Variants in MAP3K6 observed in about 807,000 individuals in gnomAD.
MAP3K6 encodes mitogen-activated protein kinase kinase kinase 6.
In MAP3K6, 105 loss-of-function variants were observed where a neutral mutation model predicts 147.1. That is an observed-to-expected ratio of 0.71 (90% CI 0.61 to 0.84). The LOEUF (loss-of-function observed/expected upper bound fraction) is 0.84. Among genes scored for constraint, MAP3K6 ranks in the 40% least tolerant of loss-of-function variants. The pLI is 0.00. For missense variants in MAP3K6, 1,569 were observed against 1,715.0 expected (o/e 0.91, Z 1.50); for synonymous variants, 695 against 732.4 (o/e 0.95, Z 0.82).
At position 27,366,683 on chromosome 1, in the gene MAP3K6, T is replaced by C; in HGVS notation, c.-86A>G. ...GGCCGGCAGATCAGGAATCTTGGGA[T>C]CTGGAATCCGTTCGGAATCGGAGAA... On this transcript the variant is annotated 5_prime_UTR_variant, in exon 1 of 29. Coordinates refer to ENST00000357582, the MANE Select transcript of MAP3K6 (RefSeq NM_004672.5). This position sits in a 1 kb window ranked among gnomAD's most constrained non-coding sequence, Gnocchi z 5.5. The C allele has an allele frequency of 1.0e-6, 1 of 977,720 alleles. No homozygotes were observed. The highest frequency in any genetic ancestry group is 1.2e-6 in the Non-Finnish European group (1 of 818,088). The allele number at this position is 977,720 out of a possible 1,614,324, so 60.6% of individuals were successfully genotyped here. A position where few individuals can be genotyped will look rare whatever the true frequency, so the allele number is the denominator to read the frequency against.
Position 27,364,362 on chromosome 1 carries a change from A to C in MAP3K6, c.537T>G (p.Tyr179Ter). ...DCVGSYTLIP[Y>*]VVTATGRVLC... ...GCACCCGACCAGTGGCCGTCACCAC[A>C]TAGGGGATCAGTGTGTAGCTGCCAA... Residue 179 changes from tyrosine to a stop codon, truncating the protein, a stop_gained, in exon 4 of 29, where the codon TAT (tyrosine) becomes TAG (stop). Transcript: ENST00000357582. LOFTEE classifies it high-confidence loss of function. The surrounding 1 kb of genome is among the most constrained non-coding windows in gnomAD (Gnocchi z 4.4). 1 of 1,614,144 alleles carries C rather than the reference A, an allele frequency of 6.2e-7. No individual in the cohort carries two copies. The highest frequency in any genetic ancestry group is 8.5e-7 in the Non-Finnish European group (1 of 1,180,030).
In MAP3K6 at chr1:27,359,650, C is replaced by G; in HGVS notation, c.2320-128G>C. ...TCTGTCAACACTCTCCCCTTGCCAT[C>G]CCACTTATATGCCCCTCTGGGAGCT... On this transcript the variant is annotated intron_variant, in intron 17 of 28. Coordinates refer to ENST00000357582, the MANE Select transcript of MAP3K6 (RefSeq NM_004672.5). This position sits in a 1 kb window ranked among gnomAD's most constrained non-coding sequence, Gnocchi z 4.4. The G allele has an allele frequency of 6.9e-7, 1 of 1,444,316 alleles. No individual in the cohort carries two copies. The highest frequency in any genetic ancestry group is 9.4e-7 in the Non-Finnish European group (1 of 1,059,232). The allele number at this position is 1,444,316 out of a possible 1,614,324, so 89.5% of individuals were successfully genotyped here. A position where few individuals can be genotyped will look rare whatever the true frequency, so the allele number is the denominator to read the frequency against.
Position 27,362,630 on chromosome 1 carries a change from T to A in MAP3K6, c.1255+11A>T, listed in dbSNP as rs1377282681. ...GTGGGTGACGAGACAAGAGCCAGGA[T>A]CTGTGCTCACCTATTAGCCGGAGCT... On this transcript the variant is annotated intron_variant, in intron 8 of 28. Transcript: ENST00000357582. The A allele has an allele frequency of 1.3e-6, 2 of 1,558,076 alleles. No individual in the cohort carries two copies. Among genetic ancestry groups the A allele is most frequent in the South Asian group, 2.3e-5 (2 of 85,526 alleles).
Position 27,356,403 on chromosome 1 carries a change from C to T in MAP3K6, c.3622G>A (p.Ala1208Thr). ...LNEEARTYVL[A>T]PEPPTALSTD... is the part of the protein sequence containing the mutation. ...GCCCACTCACTTGGAGGCTCTGGGG[C>T]CAGGACATAGGTCCGGGCTTCCTCA... The change falls in exon 26 of 29, where the codon GCC becomes ACC. Residue 1208 changes from alanine to threonine, a missense_variant. Coordinates refer to ENST00000357582, the MANE Select transcript of MAP3K6 (RefSeq NM_004672.5). 6.2e-7 allele frequency: 1 copy of T among 1,610,110 alleles called. No homozygotes were observed. Among genetic ancestry groups the T allele is most frequent in the Non-Finnish European group, 8.5e-7 (1 of 1,178,298 alleles).
Position 27,357,760 on chromosome 1 carries a change from T to A in MAP3K6, c.3032A>T (p.Glu1011Val), listed in dbSNP as rs746494196. The change falls in exon 22 of 29, where the codon GAG becomes GTG. Residue 1011 changes from glutamate to valine, a missense_variant. Physicochemically the swap from Glu to Val is moderately radical, Grantham distance 121. Transcript: ENST00000357582. ...CAGATTCTCCGCCAGCGCTGGCAGCTCCTGCTCCAATACTGCGGCCAGCAT... is the reference window on the plus strand; with the variant it reads ...CAGATTCTCCGCCAGCGCTGGCAGCACCTGCTCCAATACTGCGGCCAGCAT... The part of the protein sequence containing the change: ...RAMLAAVLEQ[E>V]LPALAENLHQ... 4.6e-5 allele frequency: 74 copies of A among 1,611,528 alleles called. No homozygotes were observed. The highest frequency in any genetic ancestry group is 6.2e-5 in the Non-Finnish European group (73 of 1,179,712).
chr1:27,361,905 C>G, intron 9 of MAP3K6, 38 bp from the exon 10 acceptor site: 1 of 1,505,872 alleles, frequency 6.6e-7, no homozygotes, highest in Non-Finnish European at 8.9e-7. Flanking sequence ...AGCCCAGGCA[C>G]CAACCAGCAC....
rs1162240798 is a variant in MAP3K6, at chr1:27,360,110, C to T, written c.2183-116G>A. On this transcript the variant is annotated intron_variant, in intron 16 of 28. Coordinates refer to ENST00000357582, the MANE Select transcript of MAP3K6 (RefSeq NM_004672.5). This position sits in a 1 kb window ranked among gnomAD's most constrained non-coding sequence, Gnocchi z 4.5. The stretch of plus-strand genomic sequence containing the variant: ...CCCAACTCCATCACCCAGCGCCACT[C>T]CTCAGCTAATTCTAGGCTACACCAC... The T allele has an allele frequency of 1.9e-6, 3 of 1,577,208 alleles. No homozygotes were observed. Among genetic ancestry groups the T allele is most frequent in the Non-Finnish European group, 2.6e-6 (3 of 1,156,688 alleles).
rs748910143 is a variant in MAP3K6 at position 27,358,748 on chromosome 1, G to C, written c.2544C>G (p.Pro848=). The C allele has an allele frequency of 6.8e-6, 11 of 1,613,650 alleles. No homozygotes were observed. In the East Asian group the frequency reaches 2.0e-4, roughly 29 times the overall value. Reference sequence around the variant, plus strand: ...CCTGTGGGCTCCCGAGCTCGTGGAAGGGGGGGCGACCTGTGGCCATCTCAA... The same window carrying C: ...CCTGTGGGCTCCCGAGCTCGTGGAACGGGGGGCGACCTGTGGCCATCTCAA... ...TVIEMATGRP[P]FHELGSPQAA... is the part of the protein sequence containing the mutation. Residue 848 remains proline, a synonymous_variant, in exon 19 of 29, where the codon CCC becomes CCG. Transcript: ENST00000357582. The surrounding 1 kb of genome is among the most constrained non-coding windows in gnomAD (Gnocchi z 6.2).
chr1:27,361,538 C>G lies in MAP3K6; in HGVS notation c.1668G>C (p.Leu556=), dbSNP rs766578632. 6.2e-7 allele frequency: 1 copy of G among 1,614,086 alleles called. No homozygotes were observed. Among genetic ancestry groups the G allele is most frequent in the African/African-American group, 1.3e-5 (1 of 74,926 alleles). Residue 556 remains leucine, a synonymous_variant, in exon 11 of 29, where the codon CTG becomes CTC. Coordinates refer to ENST00000357582, the MANE Select transcript of MAP3K6 (RefSeq NM_004672.5). The part of the protein sequence containing the change: ...TDPVSTVTLS[L]LEPETQDIPS... Reference sequence around the variant, plus strand: ...ACTTCACCTGGGTCTCAGGCTCCAGCAGGCTCAGGGTCACTGTGCTTACTG... The same window carrying G: ...ACTTCACCTGGGTCTCAGGCTCCAGGAGGCTCAGGGTCACTGTGCTTACTG...
rs1199425430 is a variant in MAP3K6 at position 27,359,142 on chromosome 1, G to A, written c.2425+275C>T. On this transcript the variant is annotated intron_variant, in intron 18 of 28. Coordinates refer to ENST00000357582, the MANE Select transcript of MAP3K6 (RefSeq NM_004672.5). The surrounding 1 kb of genome is among the most constrained non-coding windows in gnomAD (Gnocchi z 4.4). Reference sequence around the variant, plus strand: ...AGTGCTCCAGCACACATCCTGGATTGCCTCGTCCCCCTGAACTCCATCACC... The same window carrying A: ...AGTGCTCCAGCACACATCCTGGATTACCTCGTCCCCCTGAACTCCATCACC... 2.0e-5 allele frequency among the ~76,000 whole-genome samples: 3 copies of A among 152,040 alleles called. No homozygotes were observed. Among genetic ancestry groups the A allele is most frequent in the African/African-American group, 4.8e-5 (2 of 41,390 alleles).
chr1:27,357,627 C>G (rs1410312985), intron 22 of MAP3K6, 51 bp from the exon 23 acceptor site: 1 of 1,589,836 alleles, frequency 6.3e-7, no homozygotes, highest in Non-Finnish European at 8.6e-7. Flanking sequence ...AAAAGAGACG[C>G]TGCCGCGGAG....
At chr1:27,365,775 T>A (rs1168344527) in intron 1 of MAP3K6, among the ~76,000 whole-genome samples, 1 of 152,094 alleles carries the variant, frequency 6.6e-6, no homozygotes, top group Non-Finnish European at 1.5e-5. Context: ...TTGGAAATAG[T>A]ATGCTAGGAC....
In MAP3K6 at chr1:27,359,727, C is replaced by A. The variant is rs547260332; in HGVS notation, c.2319+131G>T. 2.1e-6 allele frequency: 3 copies of A among 1,427,344 alleles called. No homozygotes were observed. Among genetic ancestry groups the A allele is most frequent in the African/African-American group, 2.8e-5 (2 of 70,336 alleles). The allele number at this position is 1,427,344 out of a possible 1,614,324, so 88.4% of individuals were successfully genotyped here. ...ACCTTTCCCCTCCTTCTCTAAGGAG[C>A]CTCCCTGATGAATTCCCTACCCTTT... On this transcript the variant is annotated intron_variant, in intron 17 of 28. Transcript: ENST00000357582. The surrounding 1 kb of genome is among the most constrained non-coding windows in gnomAD (Gnocchi z 4.4).
rs776342468 is a variant in MAP3K6, at chr1:27,359,472, G to T, written c.2370C>A (p.Asp790Glu). The T allele has an allele frequency of 7.4e-6, 12 of 1,614,146 alleles. No homozygotes were observed. The highest frequency in any genetic ancestry group is 1.0e-5 in the Non-Finnish European group (12 of 1,180,024). ...NTFSGLLKIS[D>E]FGTSKRLAGI... is the part of the protein sequence containing the mutation. ...CTGCCAGCCGCTTGGAGGTGCCGAAGTCAGAAATCTTGAGCAGCCCACTGA... is the reference window on the plus strand; with the variant it reads ...CTGCCAGCCGCTTGGAGGTGCCGAATTCAGAAATCTTGAGCAGCCCACTGA... The change falls in exon 18 of 29, where the codon GAC (aspartate) becomes GAA (glutamate). Residue 790 changes from aspartate (D) to glutamate (E), a missense_variant. By Grantham distance (45) the Asp-to-Glu change is conservative. Coordinates refer to ENST00000357582, the MANE Select transcript of MAP3K6 (RefSeq NM_004672.5). The surrounding 1 kb of genome is among the most constrained non-coding windows in gnomAD (Gnocchi z 4.4).
chr1:27,361,470 C>A (rs771828558), intron 11 of MAP3K6, 50 bp downstream of exon 11: 2 of 1,612,128 alleles, frequency 1.2e-6, no homozygotes, highest in Non-Finnish European at 8.5e-7. Context: ...AAAGGCTCCA[C>A]AGAAAAGGTC....
At chr1:27,356,928 C>CA (rs2015549079) in intron 24 of MAP3K6, 81 bp downstream of exon 24, 1 of 1,489,090 alleles carries the variant, frequency 6.7e-7, no homozygotes. Flanking sequence ...GCCTGGCCCC[C>CA]ACCGGCCCCA....
rs192258228 is a variant in MAP3K6 at position 27,364,244 on chromosome 1, G to A, written c.655C>T (p.Arg219Trp). 44 of 1,613,178 alleles carry A rather than the reference G, an allele frequency of 2.7e-5. No individual in the cohort carries two copies. In the South Asian group the frequency reaches 3.0e-4, roughly 11 times the overall value. The change falls in exon 4 of 29, where the codon CGG becomes TGG. Residue 219 changes from arginine to tryptophan, a missense_variant. Arg to Trp is a moderately radical substitution (Grantham distance 101, BLOSUM62 -3). Transcript: ENST00000357582. This position sits in a 1 kb window ranked among gnomAD's most constrained non-coding sequence, Gnocchi z 4.4. ...GTGGCCTCCAGCAGGCGGGCAAGCC[G>A]GCCCACCAGGGGAGTGAGCAGGGCC... Reference protein sequence around the residue: ...TEALLTPLVGRLARLLEATPT... With the variant: ...TEALLTPLVGWLARLLEATPT...
intron 22 of MAP3K6, 32 bp from the exon 23 acceptor site, chr1:27,357,608 G>A (rs761901798): frequency 1.9e-6 from 3 of 1,596,256 alleles, no homozygotes; most frequent in Admixed American, 3.4e-5. Context: ...GTCAGCGAGT[G>A]CTCCAGCCAA....
In MAP3K6 at chr1:27,355,275, C is replaced by T. The variant is rs755869478; in HGVS notation, c.*116G>A. The T allele has an allele frequency of 1.8e-5, 17 of 965,774 alleles. No homozygotes were observed. The highest frequency in any genetic ancestry group is 3.4e-5 in the Admixed American group (2 of 58,278). The allele number at this position is 965,774 out of a possible 1,614,324, so 59.8% of individuals were successfully genotyped here. A position where few individuals can be genotyped will look rare whatever the true frequency, so the allele number is the denominator to read the frequency against. ...ACTGGAACCAGTCCTGGGCCCCACT[C>T]GCCTGGCTTCCTCCAGTCGCCCCAG... is the stretch of plus-strand genomic sequence containing the variant. On this transcript the variant is annotated 3_prime_UTR_variant, in exon 29 of 29. Coordinates refer to ENST00000357582, the MANE Select transcript of MAP3K6 (RefSeq NM_004672.5).
Sources: gnomAD v4.1 joint callset for allele counts (sites outside exome capture counted in the v4.1 genomes callset) on GRCh38, gnomAD v4.1.1 for gene constraint, Gnocchi (gnomAD v3.1) non-coding constraint, MANE v1.5 for transcripts, NCBI Gene and HGNC (gene_info 2026-07-23, HGNC 2026-07-21) for gene names.